C16orf96: variants seen among roughly 807,000 people sequenced by gnomAD.
The protein encoded by C16orf96 is chromosome 16 open reading frame 96, also known as uncharacterized protein C16orf96.
C16orf96 carries 108 observed loss-of-function variants against 103.6 expected under a neutral mutation model. The observed-to-expected ratio is 1.04, with a 90% CI of 0.89 to 1.22. C16orf96 has a LOEUF of 1.22. Ranked by LOEUF, C16orf96 falls within the 50% of genes most tolerant of loss-of-function variation. C16orf96 has a pLI of 0.00. For missense variants in C16orf96, 1,586 were observed against 1,464.2 expected, an observed-to-expected ratio of 1.08 and a Z score of -1.36; for synonymous variants, 566 against 593.5, an observed-to-expected ratio of 0.95 and a Z score of 0.67.
At chr16:4,568,753 C>G (rs930169511) in intron 1 of C16orf96, among the ~76,000 whole-genome samples, 1 of 151,552 alleles carries the variant, frequency 6.6e-6, no homozygotes, top group African/African-American at 2.4e-5. Flanking sequence ...CTCATCCTCC[C>G]AGGGACCTGG....
intron 1 of C16orf96, 73 bp from the exon 2 acceptor site, chr16:4,571,488 G>A: frequency 7.6e-7 from 1 of 1,319,486 alleles, no homozygotes; most frequent in Non-Finnish European, 1.1e-6. Flanking sequence ...GCTATCATCA[G>A]AAAGCTTCTG....
chr16:4,588,470 G>A lies in C16orf96; in HGVS notation c.2592+139G>A. Reference sequence around the variant, plus strand: ...CAGCAACTTAGCTGGGTGGCTCAGGGTTTCCTGTGAAATTGCAGTCAAGAT... The same window carrying A: ...CAGCAACTTAGCTGGGTGGCTCAGGATTTCCTGTGAAATTGCAGTCAAGAT... On this transcript the variant is annotated intron_variant, in intron 9 of 15. Transcript: ENST00000444310. 2 of 979,840 alleles carry A rather than the reference G, an allele frequency of 2.0e-6. 1 individual carries two copies. 60.7% of individuals were successfully genotyped at this position (979,840 alleles called of 1,614,324 possible).
chr16:4,600,076 A>T (rs762375270), intron 15 of C16orf96, 24 bp from the exon 16 acceptor site: 1 of 1,544,762 alleles, frequency 6.5e-7, no homozygotes, highest in East Asian at 2.4e-5. Context: ...GCACACATCT[A>T]GGGTTTCTCC....
chr16:4,570,106 ACTT>A (rs1345583475), intron 1 of C16orf96, among the ~76,000 whole-genome samples: 2 of 89,854 alleles, frequency 2.2e-5, no homozygotes, highest in Non-Finnish European at 6.1e-5. Flanking sequence ...CCAAGCTAGA[ACTT>A]TTTTATTTTA....
chr16:4,559,796 T>G (rs1053356920), intron 1 of C16orf96, among the ~76,000 whole-genome samples: 1 of 152,164 alleles, frequency 6.6e-6, no homozygotes, highest in Non-Finnish European at 1.5e-5. Flanking sequence ...CTAATCTGCT[T>G]TCTGTCTTAC....
intron 14 of C16orf96, among the ~76,000 whole-genome samples, chr16:4,596,942 C>A (rs558954406): frequency 4.1e-4 from 62 of 152,132 alleles, no homozygotes; most frequent in Non-Finnish European, 6.9e-4. Flanking sequence ...TCTCCTCTGT[C>A]CCCCATAAGG....
intron 9 of C16orf96, among the ~76,000 whole-genome samples, chr16:4,590,886 G>A (rs985841323): frequency 3.4e-5 from 5 of 149,072 alleles, no homozygotes; most frequent in East Asian, 3.9e-4. Context: ...AAAAAAATTA[G>A]TCGGGTTTGG....
chr16:4,545,629 A>G, the C16orf96 span, among the ~76,000 whole-genome samples: 4 of 152,170 alleles, frequency 2.6e-5, no homozygotes, highest in Admixed American at 1.3e-4. Context: ...GACTCTTGTT[A>G]GACTCAATTT....
At chr16:4,555,237 T>G (rs530711469), upstream of C16orf96, among the ~76,000 whole-genome samples, 10 of 150,344 alleles carry the variant, frequency 6.7e-5, 1 homozygote, top group South Asian at 2.0e-3. Flanking sequence ...CACTCCTGCC[T>G]GGGTAACAGA....
the C16orf96 span, among the ~76,000 whole-genome samples, chr16:4,547,609 C>CTTT: frequency 6.6e-6 from 1 of 151,434 alleles, no homozygotes; most frequent in Admixed American, 6.6e-5. Flanking sequence ...CTCTTTCCTT[C>CTTT]CTTTCTTTCT....
rs185550888 is a variant in C16orf96, at chr16:4,562,854, G to A, written c.420+5945G>A. 331 of 1,376,042 alleles carry A rather than the reference G, an allele frequency of 2.4e-4. 1 individual carries two copies. In the African/African-American group the frequency reaches 4.3e-3, roughly 18 times the overall value. 85.2% of individuals were successfully genotyped at this position (1,376,042 alleles called of 1,614,324 possible). A position where few individuals can be genotyped will look rare whatever the true frequency, so the allele number is the denominator to read the frequency against. ...ATCATCAGTGTCAGAAATCTGTTCTGTCAGCTGGCTCCATTGTTCTGGATT... is the reference window on the plus strand; with the variant it reads ...ATCATCAGTGTCAGAAATCTGTTCTATCAGCTGGCTCCATTGTTCTGGATT... On this transcript the variant is annotated intron_variant, in intron 1 of 15. Transcript: ENST00000444310.
intron 1 of C16orf96, among the ~76,000 whole-genome samples, chr16:4,564,993 C>G (rs968552883): frequency 6.6e-6 from 1 of 152,162 alleles, no homozygotes; most frequent in Non-Finnish European, 1.5e-5. Context: ...TCTTACATTC[C>G]TCGTTTCCGT....
At chr16:4,580,310 A>ACCCCCCACCCCC (rs2059568512) in intron 7 of C16orf96, among the ~76,000 whole-genome samples, 185 bp downstream of exon 7, 1 of 104,506 alleles carries the variant, frequency 9.6e-6, no homozygotes, top group Non-Finnish European at 2.0e-5. Flanking sequence ...GAATCCCACC[A>ACCCCCCACCCCC]CCCCCCCCCA....
At chr16:4,553,501 C>A (rs2059239762), upstream of C16orf96, among the ~76,000 whole-genome samples, 1 of 152,090 alleles carries the variant, frequency 6.6e-6, no homozygotes, top group Non-Finnish European at 1.5e-5. Flanking sequence ...CCATGCCCAG[C>A]TAATTTTGGT....
intron 1 of C16orf96, among the ~76,000 whole-genome samples, chr16:4,564,221 C>T (rs2059363683): frequency 6.6e-6 from 1 of 151,974 alleles, no homozygotes; most frequent in Non-Finnish European, 1.5e-5. Context: ...TTGTTTTTAG[C>T]CTTAAAGTGT....
rs1364840270 is a variant in C16orf96 at position 4,576,107 on chromosome 16, G to C, written c.1627G>C (p.Val543Leu). 6.4e-7 allele frequency: 1 copy of C among 1,551,518 alleles called. No homozygotes were observed. The highest frequency in any genetic ancestry group is 8.7e-7 in the Non-Finnish European group (1 of 1,146,954). The change falls in exon 5 of 16, where the codon GTT becomes CTT. Residue 543 changes from valine (V) to leucine (L), a missense_variant. By Grantham distance (32) the Val-to-Leu change is conservative. Coordinates refer to ENST00000444310, the MANE Select transcript of C16orf96 (RefSeq NM_001145011.2). ...CAAAGATGGGGACCCCAAGGATAGA[G>C]TTGGCAAGGATGGGGCCCCCAAGGA... ...GGKDGDPKDR[V>L]GKDGAPKEAQ...
rs1367962900 is a variant in C16orf96, at chr16:4,575,719, G to A, written c.1239G>A (p.Leu413=). The change falls in exon 5 of 16, where the codon CTG becomes CTA. Residue 413 remains leucine (L), a synonymous_variant. Coordinates refer to ENST00000444310, the MANE Select transcript of C16orf96 (RefSeq NM_001145011.2). ...GGCCTCTGTGGGACTTAGGTGTCCT[G>A]CGGCCAACTCAGCCCCAACCCTCCA... ...GSWPLWDLGV[L]RPTQPQPSRA... The A allele has an allele frequency of 6.5e-7, 1 of 1,533,810 alleles. No individual in the cohort carries two copies. Among genetic ancestry groups the A allele is most frequent in the Admixed American group, 2.1e-5 (1 of 48,562 alleles).
intron 1 of C16orf96, among the ~76,000 whole-genome samples, chr16:4,567,661 T>C (rs2059396146): frequency 2.0e-5 from 3 of 151,248 alleles, no homozygotes; most frequent in Non-Finnish European, 2.9e-5. Context: ...TTTTTACATG[T>C]TTGTGAATTT....
chr16:4,561,830 C>G (rs1382413852), intron 1 of C16orf96, among the ~76,000 whole-genome samples: 1 of 151,962 alleles, frequency 6.6e-6, no homozygotes, highest in Non-Finnish European at 1.5e-5. Context: ...GGCAAACAAA[C>G]GTGTTTTACA....
Sources: allele counts gnomAD v4.1 joint callset (sites outside exome capture counted in the v4.1 genomes callset), GRCh38; gene constraint gnomAD v4.1.1; transcripts MANE v1.5; gene names NCBI Gene and HGNC (gene_info 2026-07-23, HGNC 2026-07-21).